MACROD2: variants seen among roughly 807,000 people sequenced by gnomAD.
The protein encoded by MACROD2 is ADP-ribose glycohydrolase MACROD2.
A neutral mutation model predicts 70.4 loss-of-function variants in MACROD2; 36 were observed. The observed-to-expected ratio is 0.51, with a 90% confidence interval of 0.39 to 0.68. MACROD2 has a LOEUF of 0.68. Among genes scored for constraint, MACROD2 ranks in the 30% least tolerant of loss-of-function variants. The pLI, the probability that MACROD2 is intolerant of heterozygous loss-of-function variation, is 0.00. For missense variants in MACROD2, 496 were observed against 538.4 expected, an observed-to-expected ratio of 0.92 and a Z score of 0.78; for synonymous variants, 172 against 178.8, an observed-to-expected ratio of 0.96 and a Z score of 0.30.
chr20:15,875,649 G>C (rs76269311), intron 9 of MACROD2, among the ~76,000 whole-genome samples: 2,829 of 151,950 alleles, frequency 0.019, 99 homozygotes, highest in African/African-American at 0.065. Context: ...AAAGCAATCT[G>C]TCCCTTCCAA....
chr20:15,985,392 A>G (rs1008256629), intron 13 of MACROD2, among the ~76,000 whole-genome samples: 1 of 152,160 alleles, frequency 6.6e-6, no homozygotes, highest in African/African-American at 2.4e-5. Flanking sequence ...GTATCTAGCA[A>G]TTCAAGTCAA....
intron 5 of MACROD2, among the ~76,000 whole-genome samples, chr20:14,932,850 A>G (rs419156): frequency 0.36 from 54,305 of 151,922 alleles, 10,117 homozygotes; most frequent in East Asian, 0.52. Context: ...ACAGGGATGA[A>G]CCACGGCGCC....
rs569498205 is a variant in MACROD2 at position 15,422,422 on chromosome 20, A to C, written c.541-8983A>C. 3.9e-5 allele frequency among the ~76,000 whole-genome samples: 6 copies of C among 152,246 alleles called. No homozygotes were observed. The East Asian group carries it at 1.2e-3, about 29-fold the overall frequency. ...CATGTGTTATTTGTGTAATTAAAAA[A>C]TAGAATCAATTACTCTTTATACGAG... On this transcript the variant is annotated intron_variant, in intron 6 of 17. Transcript: ENST00000684519.
At chr20:14,340,326 A>G (rs1256352118) in intron 3 of MACROD2, among the ~76,000 whole-genome samples, 1 of 152,124 alleles carries the variant, frequency 6.6e-6, no homozygotes, top group Admixed American at 6.6e-5. Context: ...TAGACAAATT[A>G]CTTAATCTCT....
chr20:15,046,155 A>G (rs1429199660), intron 5 of MACROD2, among the ~76,000 whole-genome samples: 1 of 151,958 alleles, frequency 6.6e-6, no homozygotes, highest in Non-Finnish European at 1.5e-5. Context: ...ACAATATAGA[A>G]TAAATGCCAC....
chr20:14,744,819 C>A (rs79252600), intron 5 of MACROD2, among the ~76,000 whole-genome samples: 7,342 of 152,070 alleles, frequency 0.048, 316 homozygotes, highest in East Asian at 0.18. Flanking sequence ...AGGCCCCTAA[C>A]GTGAGAGTTT....
intron 10 of MACROD2, among the ~76,000 whole-genome samples, chr20:15,889,472 A>T (rs1382744099): frequency 6.6e-6 from 1 of 152,136 alleles, no homozygotes; most frequent in South Asian, 2.1e-4. Flanking sequence ...CCCAAAATTC[A>T]TGTCCTTTAC....
intron 6 of MACROD2, 81 bp downstream of exon 6, chr20:15,230,142 G>T: frequency 7.3e-7 from 1 of 1,369,900 alleles, no homozygotes. Context: ...AAGAGAGGTA[G>T]GAAACCATTT....
At position 14,937,770 on chromosome 20, in the gene MACROD2, C is replaced by T. The variant is rs112503186; in HGVS notation, c.418+252811C>T. ...GGTCACCCTGTTGATCTATGAAACACAAGGTCTTATTTCTTCTATGAAACT... is the reference window on the plus strand; with the variant it reads ...GGTCACCCTGTTGATCTATGAAACATAAGGTCTTATTTCTTCTATGAAACT... On this transcript the variant is annotated intron_variant, in intron 5 of 17. Coordinates refer to ENST00000684519, the MANE Select transcript of MACROD2 (RefSeq NM_001351661.2). Among the ~76,000 whole-genome samples, 999 of 152,118 alleles carry T rather than the reference C, an allele frequency of 6.6e-3. 7 individuals carry two copies. The highest frequency in any genetic ancestry group is 0.022 in the African/African-American group (929 of 41,510).
intron 4 of MACROD2, among the ~76,000 whole-genome samples, chr20:14,617,736 C>T (rs1204366867): frequency 6.6e-6 from 1 of 152,120 alleles, no homozygotes; most frequent in Admixed American, 6.6e-5. Flanking sequence ...TTTCCTTACT[C>T]AGTAAGAGTC....
At chr20:14,268,738 A>C (rs539708888) in intron 3 of MACROD2, among the ~76,000 whole-genome samples, 1 of 152,228 alleles carries the variant, frequency 6.6e-6, no homozygotes, top group Non-Finnish European at 1.5e-5. Flanking sequence ...TTAACTATTC[A>C]TATGAAATAT....
At chr20:15,134,246 G>T (rs142800030) in intron 5 of MACROD2, among the ~76,000 whole-genome samples, 1 of 147,640 alleles carries the variant, frequency 6.8e-6, no homozygotes, top group Non-Finnish European at 1.5e-5. Context: ...TGCCCGAGCC[G>T]GGCAGGGTGG....
chr20:15,298,148 T>A (rs1045318726), intron 6 of MACROD2, among the ~76,000 whole-genome samples: 1 of 152,212 alleles, frequency 6.6e-6, no homozygotes, highest in Non-Finnish European at 1.5e-5. Flanking sequence ...TATATACTAA[T>A]GATATGATCT....
intron 4 of MACROD2, among the ~76,000 whole-genome samples, chr20:14,605,610 A>G (rs1982755289): frequency 6.6e-6 from 1 of 152,132 alleles, no homozygotes; most frequent in Non-Finnish European, 1.5e-5. Flanking sequence ...GATTTTCACT[A>G]TATACTGGAG....
chr20:15,175,605 C>T (rs1470059434), intron 5 of MACROD2, among the ~76,000 whole-genome samples: 1 of 152,136 alleles, frequency 6.6e-6, no homozygotes, highest in Non-Finnish European at 1.5e-5. Context: ...TTGGAAAATT[C>T]ATGAAATATA....
intron 2 of MACROD2, among the ~76,000 whole-genome samples, chr20:14,083,618 A>G (rs2054030379): frequency 6.6e-6 from 1 of 152,166 alleles, no homozygotes; most frequent in African/African-American, 2.4e-5. Context: ...CTTTCCCACT[A>G]TCTGGCAGAG....
chr20:14,757,684 C>T, intron 5 of MACROD2: 1 of 1,418,924 alleles, frequency 7.0e-7, no homozygotes, highest in South Asian at 1.2e-5. Context: ...ATGTGTCCAA[C>T]CTTCCTGTCA....
Position 14,667,552 on chromosome 20 carries a change from A to G in MACROD2, c.302-17291A>G, listed in dbSNP as rs1426960877. Among the ~76,000 whole-genome samples the G allele has an allele frequency of 1.2e-3, 188 of 152,294 alleles. 3 individuals are homozygous for G. The highest frequency in any genetic ancestry group is 2.9e-4 in the Non-Finnish European group (20 of 68,024). The stretch of plus-strand genomic sequence containing the variant: ...TCTTCAAAACCGTTTGAGGTGTTGG[A>G]TGCGTGTGCTGTGTTAAATATAGGG... On this transcript the variant is annotated intron_variant, in intron 4 of 17. Coordinates refer to ENST00000684519, the MANE Select transcript of MACROD2 (RefSeq NM_001351661.2).
intron 8 of MACROD2, among the ~76,000 whole-genome samples, chr20:15,601,522 A>G (rs772689506): frequency 6.6e-6 from 1 of 152,230 alleles, no homozygotes; most frequent in African/African-American, 2.4e-5. Context: ...ATATGATTTA[A>G]TAGATGTTTA....
Sources: gnomAD v4.1 joint callset for allele counts (sites outside exome capture counted in the v4.1 genomes callset) on GRCh38, gnomAD v4.1.1 for gene constraint, MANE v1.5 for transcripts, NCBI Gene and HGNC (gene_info 2026-07-23, HGNC 2026-07-21) for gene names.